ERBB2: variants seen among roughly 807,000 people sequenced by gnomAD.
ERBB2 encodes erb-b2 receptor tyrosine kinase 2, also known as receptor tyrosine-protein kinase erbB-2.
ERBB2 carries 61 observed loss-of-function variants against 149.0 expected under a neutral mutation model. That is an observed-to-expected ratio of 0.41 (90% CI 0.33 to 0.51). The LOEUF (loss-of-function observed/expected upper bound fraction) is 0.51. ERBB2 is among the 20% of genes least tolerant of loss of function. ERBB2 has a pLI of 0.25. For synonymous variants in ERBB2, 633 were observed against 678.8 expected (o/e 0.93, Z 1.05); for missense variants, 1,205 against 1,655.1 (o/e 0.73, Z 4.72).
At position 39,711,978 on chromosome 17, in the gene ERBB2, C is replaced by A; in HGVS notation, c.952C>A (p.His318Asn). Residue 318 changes from histidine to asparagine, a missense_variant, in exon 8 of 27, where the codon CAC (histidine) becomes AAC (asparagine). Physicochemically the swap from His to Asn is moderately conservative, Grantham distance 68. This residue lies in a region of ERBB2 where 569 missense variants were observed against 803.5 expected (regional missense o/e 0.71). Transcript: ENST00000269571. ...ATCCTGCACCCTCGTCTGCCCCCTG[C>A]ACAACCAAGAGGTGACAGCAGAGGA... is the stretch of plus-strand genomic sequence containing the variant. ...VGSCTLVCPL[H>N]NQEVTAEDGT... 1 of 1,614,174 alleles carries A rather than the reference C, an allele frequency of 6.2e-7. No homozygotes were observed. Among genetic ancestry groups the A allele is most frequent in the Non-Finnish European group, 8.5e-7 (1 of 1,180,010 alleles).
At chr17:39,717,518 T>C in intron 15 of ERBB2, 38 bp downstream of exon 15, 5 of 1,562,836 alleles carry the variant, frequency 3.2e-6, no homozygotes, top group Non-Finnish European at 4.4e-6. Context: ...AGGAGGACTT[T>C]CCTTTCAGGG....
chr17:39,725,221 A>C lies in ERBB2; in HGVS notation c.2649+17A>C, dbSNP rs2059683052. 1 of 1,614,000 alleles carries C rather than the reference A, an allele frequency of 6.2e-7. No homozygotes were observed. Among genetic ancestry groups the C allele is most frequent in the African/African-American group, 1.3e-5 (1 of 74,918 alleles). On this transcript the variant is annotated intron_variant, in intron 21 of 26. Transcript: ENST00000269571. This position sits in a 1 kb window ranked among gnomAD's most constrained non-coding sequence, Gnocchi z 4.6. Reference sequence around the variant, plus strand: ...GGGGGCAAGGTTAGGTGAAGGACCAAGGAGCAGAGGAGGCTGGGTGGAGTG... The same window carrying C: ...GGGGGCAAGGTTAGGTGAAGGACCACGGAGCAGAGGAGGCTGGGTGGAGTG...
At chr17:39,710,024 T>C in intron 5 of ERBB2, 62 bp from the exon 6 acceptor site, 1 of 1,523,146 alleles carries the variant, frequency 6.6e-7, no homozygotes, top group Non-Finnish European at 9.0e-7. Flanking sequence ...TAGAAGGTGA[T>C]GCTGATGAGG....
rs527578050 is a variant in ERBB2, at chr17:39,709,797, C to G, written c.575-16C>G. 1.9e-6 allele frequency: 3 copies of G among 1,611,158 alleles called. No homozygotes were observed. The highest frequency in any genetic ancestry group is 2.5e-6 in the Non-Finnish European group (3 of 1,178,710). On this transcript the variant is annotated splice_polypyrimidine_tract_variant and intron_variant, in intron 4 of 26. Coordinates refer to ENST00000269571, the MANE Select transcript of ERBB2 (RefSeq NM_004448.4). Reference sequence around the variant, plus strand: ...TAGACATCTCTCTCACTGCCTGTCTCTGGTTCTGTCCTCAGGCCACCCCTG... The same window carrying G: ...TAGACATCTCTCTCACTGCCTGTCTGTGGTTCTGTCCTCAGGCCACCCCTG...
At chr17:39,693,522 C>A (rs1244187004), upstream of ERBB2, among the ~76,000 whole-genome samples, 2 of 151,878 alleles carry the variant, frequency 1.3e-5, no homozygotes, top group Admixed American at 6.6e-5. Flanking sequence ...CCCTCTGTCG[C>A]CCAGCCTGGA....
Position 39,723,221 on chromosome 17 carries a change from T to A in ERBB2, c.1947-98T>A. On this transcript the variant is annotated intron_variant, in intron 16 of 26. Transcript: ENST00000269571. The surrounding 1 kb of genome is among the most constrained non-coding windows in gnomAD (Gnocchi z 6.2). Reference sequence around the variant, plus strand: ...CTGTGGGTCACCCTTCCGACTTCCCTTTCCGAATGCCAAACACCTTCATGT... The same window carrying A: ...CTGTGGGTCACCCTTCCGACTTCCCATTCCGAATGCCAAACACCTTCATGT... 7.5e-7 allele frequency: 1 copy of A among 1,324,604 alleles called. No individual in the cohort carries two copies. The highest frequency in any genetic ancestry group is 1.1e-6 in the Non-Finnish European group (1 of 946,022). The allele number at this position is 1,324,604 out of a possible 1,614,324, so 82.1% of individuals were successfully genotyped here.
upstream of ERBB2, chr17:39,700,058 G>A: frequency 7.9e-7 from 1 of 1,265,882 alleles, no homozygotes; most frequent in African/African-American, 1.5e-5. Flanking sequence ...TTGTGAAGCT[G>A]AGATTCCCCT....
At chr17:39,697,776 C>T (rs1030607550), upstream of ERBB2, among the ~76,000 whole-genome samples, 3 of 152,042 alleles carry the variant, frequency 2.0e-5, no homozygotes, top group Non-Finnish European at 4.4e-5. Context: ...TCACTGCAAC[C>T]TCTGCCCTCT....
exon 1 of ERBB2, chr17:39,688,129 T>C: frequency 9.6e-7 from 1 of 1,038,148 alleles, no homozygotes. Flanking sequence ...GTCCACACAG[T>C]TTAAATTAAA....
upstream of ERBB2, among the ~76,000 whole-genome samples, chr17:39,697,775 C>T (rs906596922): frequency 5.3e-5 from 8 of 151,862 alleles, no homozygotes; most frequent in Non-Finnish European, 1.2e-4. Flanking sequence ...CTCACTGCAA[C>T]CTCTGCCCTC....
intron 16 of ERBB2, among the ~76,000 whole-genome samples, chr17:39,722,756 C>A (rs1378737333): frequency 6.6e-6 from 1 of 151,726 alleles, no homozygotes; most frequent in Non-Finnish European, 1.5e-5. Context: ...TGGAGTCTTG[C>A]ACTGGCCGTA....
upstream of ERBB2, among the ~76,000 whole-genome samples, chr17:39,694,193 GAAAAAAAAAAAAAAAAAAAAA>G (rs869070213): frequency 3.8e-4 from 6 of 15,590 alleles, no homozygotes; most frequent in African/African-American, 1.2e-3. Flanking sequence ...CTCTGTCTCA[GAAAAAAAAAAAAAAAAAAAAA>G]AAAAAAAAAA....
Position 39,727,336 on chromosome 17 carries a change from A to G in ERBB2, c.3201A>G (p.Glu1067=), listed in dbSNP as rs2059831001. 1.9e-6 allele frequency: 3 copies of G among 1,612,410 alleles called. No homozygotes were observed. In the East Asian group the frequency reaches 6.7e-5, roughly 36 times the overall value. Residue 1067 remains glutamate, a synonymous_variant, in exon 26 of 27, where the codon GAA becomes GAG. Transcript: ENST00000269571. This position sits in a 1 kb window ranked among gnomAD's most constrained non-coding sequence, Gnocchi z 4.3. ...TGACACTAGGGCTGGAGCCCTCTGAAGAGGAGGCCCCCAGGTCTCCACTGG... is the reference window on the plus strand; with the variant it reads ...TGACACTAGGGCTGGAGCCCTCTGAGGAGGAGGCCCCCAGGTCTCCACTGG... The part of the protein sequence containing the change: ...GDLTLGLEPS[E]EEAPRSPLAP...
chr17:39,723,551 T>C lies in ERBB2; in HGVS notation c.2099T>C (p.Leu700Pro), dbSNP rs2145812112. The change falls in exon 18 of 27, where the codon CTG (leucine) becomes CCG (proline). Residue 700 changes from leucine (L) to proline (P), a missense_variant. Transcript: ENST00000269571. This position sits in a 1 kb window ranked among gnomAD's most constrained non-coding sequence, Gnocchi z 6.2. ...LLQETELVEP[L>P]TPSGAMPNQA... The stretch of plus-strand genomic sequence containing the variant: ...CCCTCACCCCAGCTGGTGGAGCCGC[T>C]GACACCTAGCGGAGCGATGCCCAAC... 6.2e-7 allele frequency: 1 copy of C among 1,612,422 alleles called. No homozygotes were observed. Among genetic ancestry groups the C allele is most frequent in the Non-Finnish European group, 8.5e-7 (1 of 1,179,280 alleles).
chr17:39,700,414 C>G, intron 1 of ERBB2, 103 bp downstream of exon 1: 2 of 970,424 alleles, frequency 2.1e-6, no homozygotes, highest in Non-Finnish European at 2.7e-6. Context: ...CCCGGACGAG[C>G]TCTCCTATCC....
rs765356780 is a variant in ERBB2, at chr17:39,723,519, C to T, written c.2086-19C>T. On this transcript the variant is annotated intron_variant, in intron 17 of 26. Coordinates refer to ENST00000269571, the MANE Select transcript of ERBB2 (RefSeq NM_004448.4). This position sits in a 1 kb window ranked among gnomAD's most constrained non-coding sequence, Gnocchi z 6.2. ...TCTGCACCGGCCCCCGGCACTGACC[C>T]ACCACCCCCTCACCCCAGCTGGTGG... 1 of 1,612,986 alleles carries T rather than the reference C, an allele frequency of 6.2e-7. No individual in the cohort carries two copies. The highest frequency in any genetic ancestry group is 8.5e-7 in the Non-Finnish European group (1 of 1,179,534).
At chr17:39,694,262 T>TATATATATATATACACAC (rs1597842228), upstream of ERBB2, among the ~76,000 whole-genome samples, 1 of 28,906 alleles carries the variant, frequency 3.5e-5, no homozygotes, top group African/African-American at 1.1e-4. Context: ...TATATATATA[T>TATATATATATATACACAC]ATATATGTGT....
At chr17:39,713,427 T>C (rs2145598179) in intron 9 of ERBB2, among the ~76,000 whole-genome samples, 1 of 150,776 alleles carries the variant, frequency 6.6e-6, no homozygotes, top group South Asian at 2.2e-4. Flanking sequence ...ACCCGGTGCA[T>C]TTTATTGTAT....
At chr17:39,699,898 AAG>A (rs971645507), upstream of ERBB2, 1 of 801,478 alleles carries the variant, frequency 1.2e-6, no homozygotes, top group Admixed American at 3.9e-5. Context: ...GGCCTGCGCG[AAG>A]AGAGGGAGAA....
Sources: gnomAD v4.1 joint callset for allele counts (sites outside exome capture counted in the v4.1 genomes callset) on GRCh38, gnomAD v4.1.1 for gene constraint, gnomAD v4.1.1 regional missense constraint, Gnocchi (gnomAD v3.1) non-coding constraint, MANE v1.5 for transcripts, NCBI Gene and HGNC (gene_info 2026-07-23, HGNC 2026-07-21) for gene names.